IRF5: variants seen among roughly 807,000 people sequenced by gnomAD.
The protein encoded by IRF5 is interferon regulatory factor 5.
In IRF5, 24 loss-of-function variants were observed where a neutral mutation model predicts 55.1. The observed-to-expected ratio is 0.44, with a 90% CI of 0.32 to 0.61. The LOEUF (loss-of-function observed/expected upper bound fraction) is 0.61. Ranked by LOEUF, IRF5 falls within the 20% of genes least tolerant of loss-of-function variation. The pLI is 0.07. For synonymous variants in IRF5, 258 were observed against 260.2 expected, an observed-to-expected ratio of 0.99 and a Z score of 0.08; for missense variants, 499 against 658.5, an observed-to-expected ratio of 0.76 and a Z score of 2.65.
Position 128,948,498 on chromosome 7 carries a change from G to A in IRF5, c.1300-75G>A. 6.3e-7 allele frequency: 1 copy of A among 1,575,518 alleles called. No individual in the cohort carries two copies. Among genetic ancestry groups the A allele is most frequent in the Non-Finnish European group, 8.6e-7 (1 of 1,157,006 alleles). ...ATGCGGTCTATTACTCACCCCTGAT[G>A]GCTGTCCTCATGCACAGCTGGATCT... On this transcript the variant is annotated intron_variant, in intron 8 of 8. Coordinates refer to ENST00000357234, the MANE Select transcript of IRF5 (RefSeq NM_001098629.3). The surrounding 1 kb of genome is among the most constrained non-coding windows in gnomAD (Gnocchi z 4.6).
In IRF5 at chr7:128,949,131, T is replaced by G; in HGVS notation, c.*313T>G. The G allele has an allele frequency of 3.3e-6, 1 of 303,452 alleles. No individual in the cohort carries two copies. The highest frequency in any genetic ancestry group is 6.2e-6 in the Non-Finnish European group (1 of 161,842). The allele number at this position is 303,452 out of a possible 1,614,324, so 18.8% of individuals were successfully genotyped here. A position where few individuals can be genotyped will look rare whatever the true frequency, so the allele number is the denominator to read the frequency against. On this transcript the variant is annotated 3_prime_UTR_variant, in exon 9 of 9. Transcript: ENST00000357234. ...GCCTAAGGGTGGCCCACTCTTGTGA[T>G]TGCCCCATTTCCTCTGGCAACAAAA...
In IRF5 at chr7:128,947,655, G is replaced by A. The variant is rs543529849; in HGVS notation, c.788-74G>A. On this transcript the variant is annotated intron_variant, in intron 6 of 8. Coordinates refer to ENST00000357234, the MANE Select transcript of IRF5 (RefSeq NM_001098629.3). This position sits in a 1 kb window ranked among gnomAD's most constrained non-coding sequence, Gnocchi z 6.5. The stretch of plus-strand genomic sequence containing the variant: ...AAAAGTGGGAGGGCGGATGGGGCTG[G>A]GCCTGGCCACTGGGCTGCAGAATGG... The A allele has an allele frequency of 3.2e-5, 48 of 1,516,218 alleles. 1 individual carries two copies. The Middle Eastern group carries it at 9.3e-4, about 29-fold the overall frequency. 93.9% of individuals were successfully genotyped at this position (1,516,218 alleles called of 1,614,324 possible).
chr7:128,942,018 G>C, intron 1 of IRF5, 53 bp from the exon 2 acceptor site: 1 of 1,415,730 alleles, frequency 7.1e-7, no homozygotes, highest in African/African-American at 1.4e-5. Flanking sequence ...TGAGTACCCT[G>C]TCCCCATCCA....
Position 128,947,748 on chromosome 7 carries a change from G to A in IRF5, c.807G>A (p.Lys269=), listed in dbSNP as rs772184409. Residue 269 remains lysine, a synonymous_variant, in exon 7 of 9, where the codon AAG becomes AAA. Coordinates refer to ENST00000357234, the MANE Select transcript of IRF5 (RefSeq NM_001098629.3). This position sits in a 1 kb window ranked among gnomAD's most constrained non-coding sequence, Gnocchi z 6.5. The part of the protein sequence containing the change: ...HMLPLTDLEI[K]FQYRGRPPRA... The stretch of plus-strand genomic sequence containing the variant: ...CCACAGTGACCGACCTGGAGATCAA[G>A]TTTCAGTACCGGGGGCGGCCACCCC... 1 of 1,609,340 alleles carries A rather than the reference G, an allele frequency of 6.2e-7. No homozygotes were observed. Among genetic ancestry groups the A allele is most frequent in the African/African-American group, 1.3e-5 (1 of 74,966 alleles).
chr7:128,937,236 C>T (rs528450725), upstream of IRF5, among the ~76,000 whole-genome samples: 1 of 152,178 alleles, frequency 6.6e-6, no homozygotes, highest in East Asian at 1.9e-4. Flanking sequence ...AGTTACCAAG[C>T]GAAGAACATT....
intron 1 of IRF5, chr7:128,938,253 C>G (rs41298401): frequency 0.036 from 5,502 of 152,378 alleles, 284 homozygotes; most frequent in East Asian, 0.23. Flanking sequence ...CGGGTGGGTG[C>G]CTACAGCAGG....
At chr7:128,941,040 A>T (rs150639578) in intron 1 of IRF5, among the ~76,000 whole-genome samples, 4 of 152,336 alleles carry the variant, frequency 2.6e-5, no homozygotes, top group African/African-American at 9.6e-5. Context: ...TCTGTCTTCC[A>T]CCCAGGGGTC....
chr7:128,947,639 AG>A lies in IRF5; in HGVS notation c.788-87del. On this transcript the variant is annotated intron_variant, in intron 6 of 8. Transcript: ENST00000357234. The surrounding 1 kb of genome is among the most constrained non-coding windows in gnomAD (Gnocchi z 6.5). ...GACTCCCTTGGGTGGGAAAAGTGGGAGGGCGGATGGGGCTGGGCCTGGCCAC... is the reference window on the plus strand; with the variant it reads ...GACTCCCTTGGGTGGGAAAAGTGGGAGGCGGATGGGGCTGGGCCTGGCCAC... The A allele has an allele frequency of 1.3e-6, 2 of 1,505,462 alleles. No homozygotes were observed. Among genetic ancestry groups the A allele is most frequent in the South Asian group, 2.6e-5 (2 of 77,544 alleles). 93.3% of individuals were successfully genotyped at this position (1,505,462 alleles called of 1,614,324 possible). A position where few individuals can be genotyped will look rare whatever the true frequency, so the allele number is the denominator to read the frequency against.
In IRF5 at chr7:128,948,256, C is replaced by T. The variant is rs756068460; in HGVS notation, c.1227C>T (p.Phe409=). The change falls in exon 8 of 9, where the codon TTC becomes TTT. Residue 409 remains phenylalanine (F), a synonymous_variant. Transcript: ENST00000357234. The surrounding 1 kb of genome is among the most constrained non-coding windows in gnomAD (Gnocchi z 4.6). Reference sequence around the variant, plus strand: ...GCCAGACCAACACCCCACCACCCTTCGAGATCTTCTTCTGCTTTGGGGAAG... The same window carrying T: ...GCCAGACCAACACCCCACCACCCTTTGAGATCTTCTTCTGCTTTGGGGAAG... ...QKGQTNTPPP[F]EIFFCFGEEW... is the part of the protein sequence containing the mutation. 8.7e-6 allele frequency: 14 copies of T among 1,613,862 alleles called. No homozygotes were observed. In the East Asian group the frequency reaches 1.3e-4, roughly 15 times the overall value.
chr7:128,945,099 G>A (rs1321555634), intron 2 of IRF5, among the ~76,000 whole-genome samples: 1 of 152,162 alleles, frequency 6.6e-6, no homozygotes, highest in Non-Finnish European at 1.5e-5. Flanking sequence ...AGCTCTGAGT[G>A]CTTTACGGAC....
In IRF5 at chr7:128,948,201, T is replaced by A. The variant is rs1239925036; in HGVS notation, c.1181-9T>A. On this transcript the variant is annotated splice_polypyrimidine_tract_variant and intron_variant, in intron 7 of 8. Transcript: ENST00000357234. This position sits in a 1 kb window ranked among gnomAD's most constrained non-coding sequence, Gnocchi z 4.6. ...CAGCCTCTGACTAGGGACCTTGATT[T>A]TGATGCAGAGCTCATCCTGTTCCAA... The A allele has an allele frequency of 1.2e-6, 2 of 1,612,286 alleles. No individual in the cohort carries two copies. The highest frequency in any genetic ancestry group is 4.5e-5 in the East Asian group (2 of 44,878).
intron 2 of IRF5, among the ~76,000 whole-genome samples, chr7:128,945,582 G>T (rs2128962633): frequency 6.6e-6 from 1 of 152,276 alleles, no homozygotes; most frequent in African/African-American, 2.4e-5. Context: ...CCTCCTTAGA[G>T]ATCACACTGT....
chr7:128,944,460 A>C (rs891273928), intron 2 of IRF5, among the ~76,000 whole-genome samples: 13 of 152,156 alleles, frequency 8.5e-5, no homozygotes. Flanking sequence ...TACCTTTCCA[A>C]AATTCTTTTG....
chr7:128,938,038 C>T lies in IRF5; in HGVS notation c.-23C>T, dbSNP rs930221143. The T allele has an allele frequency of 3.9e-5, 6 of 151,978 alleles. No individual in the cohort carries two copies. The highest frequency in any genetic ancestry group is 1.3e-4 in the Admixed American group (2 of 15,268). The allele number at this position is 151,978 out of a possible 1,614,324, so 9.4% of individuals were successfully genotyped here. A position where few individuals can be genotyped will look rare whatever the true frequency, so the allele number is the denominator to read the frequency against. On this transcript the variant is annotated 5_prime_UTR_variant, in exon 1 of 9. Coordinates refer to ENST00000357234, the MANE Select transcript of IRF5 (RefSeq NM_001098629.3). ...GCTCCCTGGCGCAGCCACGCAGGCG[C>T]ACCGCAGACAGGTGGGTCCCGGCCG...
chr7:128,948,149 G>A lies in IRF5; in HGVS notation c.1180+28G>A. On this transcript the variant is annotated intron_variant, in intron 7 of 8. Transcript: ENST00000357234. This position sits in a 1 kb window ranked among gnomAD's most constrained non-coding sequence, Gnocchi z 4.6. Reference sequence around the variant, plus strand: ...GAGGGCCCAAAGCTGTGATCCTCCTGGCTGCCTCTTGCCCAGGGCATGGTT... The same window carrying A: ...GAGGGCCCAAAGCTGTGATCCTCCTAGCTGCCTCTTGCCCAGGGCATGGTT... The A allele has an allele frequency of 6.2e-7, 1 of 1,611,998 alleles. No homozygotes were observed. Among genetic ancestry groups the A allele is most frequent in the Non-Finnish European group, 8.5e-7 (1 of 1,178,334 alleles).
intron 1 of IRF5, among the ~76,000 whole-genome samples, chr7:128,939,032 C>T (rs933642990): frequency 9.0e-3 from 8 of 886 alleles, no homozygotes; most frequent in Non-Finnish European, 0.014. Flanking sequence ...GCGGAGCACG[C>T]GGGAGGGGTG....
At chr7:128,941,059 A>G (rs1795991936) in intron 1 of IRF5, among the ~76,000 whole-genome samples, 2 of 152,228 alleles carry the variant, frequency 1.3e-5, no homozygotes, top group African/African-American at 4.8e-5. Flanking sequence ...TCTCAAGTGA[A>G]GGGCCAAGGG....
chr7:128,947,403 C>T lies in IRF5; in HGVS notation c.655C>T (p.Pro219Ser), dbSNP rs1366631451. The change falls in exon 6 of 9, where the codon CCC (proline) becomes TCC (serine). Residue 219 changes from proline to serine, a missense_variant. By Grantham distance (74) the Pro-to-Ser change is moderately conservative (BLOSUM62 -1). Transcript: ENST00000357234. This position sits in a 1 kb window ranked among gnomAD's most constrained non-coding sequence, Gnocchi z 6.5. ...TCCAGACCCCAGCCCCCTGGCTCCT[C>T]CCCCTGGCAACCCTGCTGGCTTCAG... Reference protein sequence around the residue: ...PAPDPSPLAPPPGNPAGFREL... With the variant: ...PAPDPSPLAPSPGNPAGFREL... The T allele has an allele frequency of 6.2e-7, 1 of 1,610,632 alleles. No individual in the cohort carries two copies. Among genetic ancestry groups the T allele is most frequent in the Non-Finnish European group, 8.5e-7 (1 of 1,178,908 alleles).
Position 128,947,519 on chromosome 7 carries a change from C to T in IRF5, c.771C>T (p.Ser257=). 6.4e-7 allele frequency: 1 copy of T among 1,568,660 alleles called. No homozygotes were observed. Among genetic ancestry groups the T allele is most frequent in the Non-Finnish European group, 8.6e-7 (1 of 1,163,414 alleles). The part of the protein sequence containing the change: ...GEQLLPDLLI[S]PHMLPLTDLE... ...AGCTCCTGCCAGACCTGCTGATCAG[C>T]CCCCACATGCTGCCTCGTAAGGACC... is the stretch of plus-strand genomic sequence containing the variant. Residue 257 remains serine, a synonymous_variant, in exon 6 of 9, where the codon AGC becomes AGT. Transcript: ENST00000357234. The surrounding 1 kb of genome is among the most constrained non-coding windows in gnomAD (Gnocchi z 6.5).
Sources: allele counts gnomAD v4.1 joint callset (sites outside exome capture counted in the v4.1 genomes callset), GRCh38; gene constraint gnomAD v4.1.1; non-coding constraint Gnocchi (gnomAD v3.1); transcripts MANE v1.5; gene names NCBI Gene and HGNC (gene_info 2026-07-23, HGNC 2026-07-21).